The following VIT variants were observed in gnomAD, a reference collection of about 807,000 sequenced individuals.
VIT encodes vitrin.
A neutral mutation model predicts 78.0 loss-of-function variants in VIT; 99 were observed. That is an observed-to-expected ratio of 1.27 (90% CI 1.08 to 1.50). The LOEUF (loss-of-function observed/expected upper bound fraction) is 1.50. Ranked by LOEUF, VIT falls within the 40% of genes most tolerant of loss-of-function variation. VIT has a pLI of 0.00. For synonymous variants in VIT, 374 were observed against 334.3 expected (o/e 1.12, Z -1.29); for missense variants, 1,126 against 875.3 (o/e 1.29, Z -3.61).
intron 2 of VIT, among the ~76,000 whole-genome samples, chr2:36,726,180 T>C (rs1666832191): frequency 1.3e-5 from 2 of 152,134 alleles, no homozygotes; most frequent in Admixed American, 6.5e-5. Context: ...AAGGAAATAA[T>C]GGATCGATGC....
intron 10 of VIT, among the ~76,000 whole-genome samples, chr2:36,782,368 G>A (rs965223456): frequency 6.6e-6 from 1 of 152,194 alleles, no homozygotes; most frequent in African/African-American, 2.4e-5. Context: ...CAAAGTGAAT[G>A]TTTAAAATGA....
chr2:36,793,420 G>A (rs1228360102), intron 12 of VIT, among the ~76,000 whole-genome samples: 2 of 152,212 alleles, frequency 1.3e-5, no homozygotes, highest in Non-Finnish European at 2.9e-5. Context: ...GTTGTGCAAA[G>A]TCCCTGAGCA....
intron 12 of VIT, among the ~76,000 whole-genome samples, chr2:36,789,716 C>G (rs559446393): frequency 6.6e-6 from 1 of 152,302 alleles, no homozygotes; most frequent in African/African-American, 2.4e-5. Flanking sequence ...ATTCTAACGC[C>G]CTCTTTGCTC....
rs552048515 is a variant in VIT at position 36,770,237 on chromosome 2, G to A, written c.679+2952G>A. Among the ~76,000 whole-genome samples the A allele has an allele frequency of 2.0e-5, 3 of 152,334 alleles. No individual in the cohort carries two copies. The South Asian group carries it at 6.2e-4, about 32-fold the overall frequency. ...AACACATCCCATCAAGATCCCTGCA[G>A]CAAGTCGCTTCGGCTTAGGACACCT... On this transcript the variant is annotated intron_variant, in intron 7 of 15. Transcript: ENST00000379242.
intron 4 of VIT, among the ~76,000 whole-genome samples, chr2:36,752,626 C>T (rs1210339189): frequency 3.3e-5 from 5 of 152,342 alleles, no homozygotes; most frequent in Admixed American, 6.5e-5. Context: ...CCATCTGCCT[C>T]GTAAGTGGAA....
chr2:36,715,270 G>A (rs1170154539), intron 1 of VIT, among the ~76,000 whole-genome samples: 3 of 152,046 alleles, frequency 2.0e-5, no homozygotes, highest in Admixed American at 6.6e-5. Context: ...CTGGGCTCAG[G>A]GGCTCATGCC....
Position 36,814,479 on chromosome 2 carries a change from A to C in VIT, c.*118A>C. 2.4e-6 allele frequency: 3 copies of C among 1,224,854 alleles called. No homozygotes were observed. The South Asian group carries it at 5.1e-5, about 21-fold the overall frequency. The allele number at this position is 1,224,854 out of a possible 1,614,324, so 75.9% of individuals were successfully genotyped here. ...GTCTTGGGCAGGGCATGGAGAAACA[A>C]ATGTCTTGTTATTATTCTTTGCCAT... On this transcript the variant is annotated 3_prime_UTR_variant, in exon 16 of 16. Coordinates refer to ENST00000379242, the MANE Select transcript of VIT (RefSeq NM_053276.4).
chr2:36,713,446 G>C (rs943316415), intron 1 of VIT, among the ~76,000 whole-genome samples: 1 of 152,234 alleles, frequency 6.6e-6, no homozygotes, highest in Non-Finnish European at 1.5e-5. Flanking sequence ...TGAGCCACTT[G>C]TAAAGACTTC....
At chr2:36,716,945 C>T (rs1427003457) in intron 2 of VIT, among the ~76,000 whole-genome samples, 3 of 135,606 alleles carry the variant, frequency 2.2e-5, no homozygotes, top group Non-Finnish European at 4.6e-5. Flanking sequence ...GGAGTGATCT[C>T]GGCTCACTGC....
intron 12 of VIT, 42 bp from the exon 13 acceptor site, chr2:36,801,259 T>G (rs909780443): frequency 6.5e-7 from 1 of 1,538,438 alleles, no homozygotes; most frequent in Admixed American, 1.7e-5. Context: ...CCAAAGGTAT[T>G]AACTTTGCAG....
At chr2:36,734,251 G>A (rs1459048837) in intron 3 of VIT, among the ~76,000 whole-genome samples, 3 of 152,182 alleles carry the variant, frequency 2.0e-5, no homozygotes, top group African/African-American at 7.2e-5. Flanking sequence ...TTTCAGGTAG[G>A]TTCCCTTTAG....
intron 1 of VIT, among the ~76,000 whole-genome samples, chr2:36,699,373 A>G (rs1012219505): frequency 2.6e-5 from 4 of 152,306 alleles, no homozygotes; most frequent in East Asian, 1.9e-4. Context: ...CTCTCTGTAC[A>G]TTGCTAAATG....
chr2:36,736,224 T>C (rs1421624434), intron 3 of VIT, among the ~76,000 whole-genome samples: 3 of 152,190 alleles, frequency 2.0e-5, no homozygotes, highest in Non-Finnish European at 4.4e-5. Flanking sequence ...TGTTTAAGGC[T>C]ACAAATAAAG....
Position 36,703,936 on chromosome 2 carries a change from G to T in VIT, c.-19+6963G>T, listed in dbSNP as rs550512680. Among the ~76,000 whole-genome samples the T allele has an allele frequency of 2.8e-3, 20 of 7,040 alleles. 3 individuals carry two copies. Among genetic ancestry groups the T allele is most frequent in the Non-Finnish European group, 5.5e-3 (10 of 1,818 alleles). The allele number at this position is 7,040 out of a possible 152,430, so 4.6% of individuals were successfully genotyped here. A position where few individuals can be genotyped will look rare whatever the true frequency, so the allele number is the denominator to read the frequency against. On this transcript the variant is annotated intron_variant, in intron 1 of 15. Transcript: ENST00000379242. The stretch of plus-strand genomic sequence containing the variant: ...TTTTTTTTGTTTGTTTTTTGTTTTT[G>T]TTTTTTTTTTTTGGAGACTCACTCT...
intron 11 of VIT, among the ~76,000 whole-genome samples, chr2:36,786,018 G>A (rs1292728689): frequency 2.0e-5 from 3 of 152,148 alleles, no homozygotes; most frequent in African/African-American, 7.2e-5. Flanking sequence ...CTCCAGCTCT[G>A]TGGCAACAAT....
intron 4 of VIT, among the ~76,000 whole-genome samples, chr2:36,744,909 G>A (rs190025590): frequency 6.7e-4 from 102 of 152,216 alleles, no homozygotes; most frequent in Non-Finnish European, 1.3e-3. Context: ...GTCGAGAAGG[G>A]TATTTCCTAG....
chr2:36,782,199 C>A (rs189012280), intron 10 of VIT, among the ~76,000 whole-genome samples: 1 of 152,314 alleles, frequency 6.6e-6, no homozygotes, highest in Admixed American at 6.5e-5. Context: ...CACACAAGAC[C>A]TTCCAGCTCT....
At chr2:36,721,153 C>T (rs2192887) in intron 2 of VIT, among the ~76,000 whole-genome samples, 71,606 of 152,110 alleles carry the variant, frequency 0.47, 17,962 homozygotes, top group Admixed American at 0.61. Flanking sequence ...GTACTCACCA[C>T]ACACATAAAA....
intron 15 of VIT, 75 bp from the exon 16 acceptor site, chr2:36,814,108 G>C (rs1172338783): frequency 6.5e-7 from 1 of 1,546,206 alleles, no homozygotes; most frequent in Admixed American, 1.9e-5. Flanking sequence ...TGCCAACAGG[G>C]CCACAAGAAG....
Sources: allele counts gnomAD v4.1 joint callset (sites outside exome capture counted in the v4.1 genomes callset), GRCh38; gene constraint gnomAD v4.1.1; transcripts MANE v1.5; gene names NCBI Gene and HGNC (gene_info 2026-07-23, HGNC 2026-07-21).